NCKAP5: variants seen among roughly 807,000 people sequenced by gnomAD.
NCKAP5 encodes NCK associated protein 5.
Under a neutral mutation model 167.0 loss-of-function variants are expected in NCKAP5, and 92 were observed. That is an observed-to-expected ratio of 0.55 (90% confidence interval 0.47 to 0.66). NCKAP5 has a LOEUF of 0.66. Ranked by LOEUF, NCKAP5 falls within the 30% of genes least tolerant of loss-of-function variation. NCKAP5 has a pLI of 0.00. For missense variants in NCKAP5, 2,378 were observed against 2,315.0 expected (o/e 1.03, Z -0.56); for synonymous variants, 891 against 877.4 (o/e 1.02, Z -0.27).
At chr2:132,761,544 A>T (rs896432267) in intron 16 of NCKAP5, among the ~76,000 whole-genome samples, 4 of 152,346 alleles carry the variant, frequency 2.6e-5, no homozygotes, top group Middle Eastern at 3.4e-3. Context: ...CCTTTAAGAA[A>T]ATACGTATAA....
chr2:132,868,688 C>T (rs970001280), intron 10 of NCKAP5, among the ~76,000 whole-genome samples: 4 of 152,172 alleles, frequency 2.6e-5, no homozygotes, highest in African/African-American at 4.8e-5. Context: ...GTTTGCTACT[C>T]ATCTGGGTAA....
chr2:133,381,490 C>T (rs971940610), intron 3 of NCKAP5: 1 of 152,178 alleles, frequency 6.6e-6, no homozygotes, highest in African/African-American at 2.4e-5. Context: ...CTCCCTCTAT[C>T]CAGAAATGTA....
At chr2:132,793,275 T>C (rs1684219929) in intron 12 of NCKAP5, among the ~76,000 whole-genome samples, 1 of 152,202 alleles carries the variant, frequency 6.6e-6, no homozygotes, top group South Asian at 2.1e-4. Flanking sequence ...CCCAAAGTGC[T>C]GGGATTACAG....
intron 3 of NCKAP5, among the ~76,000 whole-genome samples, chr2:133,485,008 G>A (rs191426072): frequency 2.8e-4 from 43 of 152,194 alleles, no homozygotes; most frequent in African/African-American, 4.6e-4. Context: ...ATCTGCAAAC[G>A]AAAGAAGTCA....
intron 3 of NCKAP5, among the ~76,000 whole-genome samples, chr2:133,447,653 C>CTCTTT (rs915644952): frequency 6.8e-6 from 1 of 147,850 alleles, no homozygotes; most frequent in African/African-American, 2.5e-5. Context: ...CTCTTCTCTT[C>CTCTTT]TCTTTTCTTT....
At chr2:132,815,443 T>C (rs1012194471) in intron 11 of NCKAP5, among the ~76,000 whole-genome samples, 1 of 152,140 alleles carries the variant, frequency 6.6e-6, no homozygotes, top group Non-Finnish European at 1.5e-5. Flanking sequence ...AAGACAACAA[T>C]TTTTTTCTTA....
chr2:133,380,926 T>G lies in NCKAP5; in HGVS notation c.70-77816A>C, dbSNP rs532162555. On this transcript the variant is annotated intron_variant, in intron 3 of 19. Transcript: ENST00000409261. ...AATAGAAAAGTAGACATTTTACATA[T>G]ACTGCAGGAAGTGCTAAACAATGTT... Among the ~76,000 whole-genome samples, 4 of 152,300 alleles carry G rather than the reference T, an allele frequency of 2.6e-5. No individual in the cohort carries two copies. In the South Asian group the frequency reaches 8.3e-4, roughly 32 times the overall value.
intron 2 of NCKAP5, among the ~76,000 whole-genome samples, chr2:133,518,732 T>C (rs575151269): frequency 6.6e-6 from 1 of 152,106 alleles, no homozygotes; most frequent in African/African-American, 2.4e-5. Context: ...TTTTCTCAAC[T>C]ACAAAACATG....
At chr2:133,341,957 G>A (rs1192256778) in intron 3 of NCKAP5, among the ~76,000 whole-genome samples, 1 of 149,436 alleles carries the variant, frequency 6.7e-6, no homozygotes, top group Non-Finnish European at 1.5e-5. Context: ...TTTTTTTTTT[G>A]AGACGGAGTC....
At chr2:132,889,383 G>A (rs11901285) in intron 8 of NCKAP5, among the ~76,000 whole-genome samples, 2,551 of 152,272 alleles carry the variant, frequency 0.017, 78 homozygotes, top group African/African-American at 0.059. Flanking sequence ...TCTTTTATGT[G>A]TACATTCAAT....
chr2:133,112,840 T>C (rs564633951), intron 6 of NCKAP5, among the ~76,000 whole-genome samples: 8 of 152,352 alleles, frequency 5.3e-5, no homozygotes, highest in Non-Finnish European at 8.8e-5. Context: ...AAGGTCACCG[T>C]GGTGGAGCAG....
At chr2:133,294,976 C>G (rs1038112688) in intron 4 of NCKAP5, among the ~76,000 whole-genome samples, 1 of 152,158 alleles carries the variant, frequency 6.6e-6, no homozygotes, top group Admixed American at 6.5e-5. Context: ...AGTTCCCCCG[C>G]CTTGGGAAGC....
At chr2:133,605,880 A>AT in the NCKAP5 span, among the ~76,000 whole-genome samples, 33 of 152,320 alleles carry the variant, frequency 2.2e-4, 1 homozygote, top group South Asian at 4.1e-3. Flanking sequence ...CAAGAGGAAA[A>AT]GGGGGGCAGG....
intron 5 of NCKAP5, among the ~76,000 whole-genome samples, chr2:133,166,899 T>C (rs1446412259): frequency 6.6e-6 from 1 of 152,206 alleles, no homozygotes; most frequent in African/African-American, 2.4e-5. Flanking sequence ...AGATCTCCCG[T>C]CTGAGCTGGT....
chr2:132,750,136 A>G (rs1679994287), intron 16 of NCKAP5, among the ~76,000 whole-genome samples: 2 of 152,136 alleles, frequency 1.3e-5, no homozygotes, highest in Admixed American at 1.3e-4. Flanking sequence ...AAAGCTAGGG[A>G]AGTTGTATGA....
chr2:132,852,363 A>G (rs1689142561), intron 11 of NCKAP5, among the ~76,000 whole-genome samples: 1 of 152,162 alleles, frequency 6.6e-6, no homozygotes, highest in East Asian at 1.9e-4. Flanking sequence ...CAGGGTTTGA[A>G]CCTCTATTCA....
intron 3 of NCKAP5, among the ~76,000 whole-genome samples, chr2:133,439,827 T>C (rs1409398453): frequency 6.6e-6 from 1 of 152,194 alleles, no homozygotes; most frequent in Non-Finnish European, 1.5e-5. Context: ...CTAGTAACCA[T>C]GGAACCATGT....
At position 132,731,938 on chromosome 2, in the gene NCKAP5, C is replaced by A. The variant is rs374231579; in HGVS notation, c.5242G>T (p.Ala1748Ser). Reference protein sequence around the residue: ...YLCQPDSPEDAEPLLPLQSAL... With the variant: ...YLCQPDSPEDSEPLLPLQSAL... ...GACTGGAGAGGCAGGAGAGGCTCAG[C>A]GTCCTCTGGGGAGTCTGGCTGGCAT... The change falls in exon 17 of 20, where the codon GCT (alanine) becomes TCT (serine). Residue 1748 changes from alanine to serine, a missense_variant. By Grantham distance (99) the Ala-to-Ser change is moderately conservative. Around this residue, in one of 3 missense-constraint regions of NCKAP5, gnomAD observed 1,325 missense variants for 1,274.5 expected, o/e 1.04. Coordinates refer to ENST00000409261, the MANE Select transcript of NCKAP5 (RefSeq NM_207363.3). The A allele has an allele frequency of 1.2e-6, 2 of 1,613,890 alleles. No individual in the cohort carries two copies. The highest frequency in any genetic ancestry group is 1.7e-6 in the Non-Finnish European group (2 of 1,179,866).
At chr2:133,186,927 T>G (rs2084970747) in intron 5 of NCKAP5, among the ~76,000 whole-genome samples, 1 of 151,796 alleles carries the variant, frequency 6.6e-6, no homozygotes, top group African/African-American at 2.4e-5. Context: ...CTTTCTTTTT[T>G]ACAATTTTTT....
Sources: allele counts gnomAD v4.1 joint callset (sites outside exome capture counted in the v4.1 genomes callset), GRCh38; gene constraint gnomAD v4.1.1; regional missense constraint gnomAD v4.1.1; transcripts MANE v1.5; gene names NCBI Gene and HGNC (gene_info 2026-07-23, HGNC 2026-07-21).